TANK: variants seen among roughly 807,000 people sequenced by gnomAD.
TANK encodes the protein TRAF family member-associated NF-kappa-B activator.
TANK carries 15 observed loss-of-function variants against 43.6 expected under a neutral mutation model. The observed-to-expected ratio is 0.34, with a 90% CI of 0.23 to 0.53. TANK has a LOEUF of 0.53. Among genes scored for constraint, TANK ranks in the 20% least tolerant of loss-of-function variants. TANK has a pLI of 0.94. For missense variants in TANK, 417 were observed against 498.6 expected, an observed-to-expected ratio of 0.84 and a Z score of 1.56; for synonymous variants, 162 against 178.2, an observed-to-expected ratio of 0.91 and a Z score of 0.73.
chr2:161,199,560 G>A (rs1357779509), intron 2 of TANK, among the ~76,000 whole-genome samples: 1 of 152,118 alleles, frequency 6.6e-6, no homozygotes, highest in Non-Finnish European at 1.5e-5. Flanking sequence ...TAGGAAATAT[G>A]CTGCCTTAGT....
chr2:161,219,741 C>CTTCA (rs1313906595), intron 4 of TANK: 3 of 466,372 alleles, frequency 6.4e-6, no homozygotes, highest in African/African-American at 6.0e-5. Flanking sequence ...CAGTGCTTGA[C>CTTCA]TTCACTATAA....
chr2:161,169,376 A>G (rs1049112187), intron 1 of TANK, among the ~76,000 whole-genome samples: 2 of 152,252 alleles, frequency 1.3e-5, no homozygotes, highest in Admixed American at 6.5e-5. Flanking sequence ...GGTATTGTTC[A>G]ACAGTGAATA....
At chr2:161,223,711 C>A in intron 4 of TANK, 1 of 371,008 alleles carries the variant, frequency 2.7e-6, no homozygotes, top group Non-Finnish European at 5.0e-6. Context: ...TTCAGACTTT[C>A]CTTCTTCATT....
chr2:161,217,051 T>G (rs1381203657), intron 4 of TANK, among the ~76,000 whole-genome samples: 2 of 152,240 alleles, frequency 1.3e-5, no homozygotes, highest in African/African-American at 4.8e-5. Context: ...GTGCATTCAT[T>G]GGGTCATATA....
intron 1 of TANK, chr2:161,139,971 T>A: frequency 1.1e-6 from 1 of 938,834 alleles, no homozygotes; most frequent in Non-Finnish European, 1.3e-6. Flanking sequence ...AAGAGAAATG[T>A]TTGAAATTTG....
chr2:161,160,277 G>C, upstream of TANK: 1 of 445,784 alleles, frequency 2.2e-6, no homozygotes, highest in Non-Finnish European at 3.7e-6. Context: ...GGCGCTAGGC[G>C]GGGCGGGCAG....
intron 7 of TANK, chr2:161,232,585 C>A: frequency 1.1e-6 from 1 of 908,570 alleles, no homozygotes; most frequent in Non-Finnish European, 1.5e-6. Context: ...TATTTCACAT[C>A]ATAGTCTCAG....
Position 161,223,967 on chromosome 2 carries a change from T to C in TANK, c.380T>C (p.Leu127Pro), listed in dbSNP as rs374586269. Residue 127 changes from leucine (L) to proline (P), a missense_variant, in exon 5 of 8, where the codon CTT becomes CCT. Leu to Pro is a moderately conservative substitution (Grantham distance 98). Transcript: ENST00000392749. ...SPRKETSARS[L>P]GSPLLHERGN... The stretch of plus-strand genomic sequence containing the variant: ...AGAAAAGAAACTTCAGCAAGGAGTC[T>C]TGGCAGTCCTTTGCTCCATGAAAGG... 1.1e-4 allele frequency: 170 copies of C among 1,601,926 alleles called. No homozygotes were observed. In the South Asian group the frequency reaches 1.7e-3, roughly 16 times the overall value.
At chr2:161,147,296 C>T (rs1036118288) in intron 1 of TANK, among the ~76,000 whole-genome samples, 1 of 152,230 alleles carries the variant, frequency 6.6e-6, no homozygotes, top group Admixed American at 6.5e-5. Context: ...TCTCTCCCCC[C>T]AAGGAGCTCA....
chr2:161,215,813 C>T (rs1687091938), intron 4 of TANK, among the ~76,000 whole-genome samples: 1 of 152,146 alleles, frequency 6.6e-6, no homozygotes, highest in South Asian at 2.1e-4. Context: ...TTCTCTGCTG[C>T]TTGGTTAAGC....
At chr2:161,181,159 G>A (rs751702082) in intron 2 of TANK, among the ~76,000 whole-genome samples, 8 of 152,112 alleles carry the variant, frequency 5.3e-5, no homozygotes, top group Non-Finnish European at 1.0e-4. Flanking sequence ...GGTGGCTTGC[G>A]CCTGTAATCC....
At chr2:161,197,327 T>G (rs554909207) in intron 2 of TANK, 1 of 152,362 alleles carries the variant, frequency 6.6e-6, no homozygotes, top group South Asian at 2.1e-4. Flanking sequence ...TTGTTTTCTT[T>G]GCTTGACAGA....
intron 1 of TANK, among the ~76,000 whole-genome samples, chr2:161,179,221 T>C (rs527393818): frequency 6.6e-6 from 1 of 152,284 alleles, no homozygotes; most frequent in East Asian, 1.9e-4. Context: ...TAGCAAGAAT[T>C]CACCTCATAA....
chr2:161,182,131 A>C (rs1252806308), intron 2 of TANK, among the ~76,000 whole-genome samples: 1 of 152,156 alleles, frequency 6.6e-6, no homozygotes, highest in African/African-American at 2.4e-5. Flanking sequence ...TTTATTAAAA[A>C]AAAAAATCTC....
chr2:161,208,497 A>G (rs916774918), intron 4 of TANK, among the ~76,000 whole-genome samples: 12 of 152,146 alleles, frequency 7.9e-5, no homozygotes, highest in African/African-American at 2.9e-4. Context: ...AGTCCTTTGC[A>G]TTATCTATCA....
chr2:161,217,234 A>G (rs1687157225), intron 4 of TANK, among the ~76,000 whole-genome samples: 1 of 152,202 alleles, frequency 6.6e-6, no homozygotes, highest in African/African-American at 2.4e-5. Context: ...TTCAATCCTT[A>G]GAGCTTTAGC....
intron 4 of TANK, among the ~76,000 whole-genome samples, chr2:161,221,907 A>T (rs1419978416): frequency 6.6e-6 from 1 of 152,140 alleles, no homozygotes; most frequent in South Asian, 2.1e-4. Context: ...CTTAGTTTAG[A>T]TACGTCATAG....
chr2:161,190,822 G>A (rs113504450), intron 2 of TANK, among the ~76,000 whole-genome samples: 33 of 152,232 alleles, frequency 2.2e-4, no homozygotes, highest in African/African-American at 7.7e-4. Context: ...GAATTACTGC[G>A]TAATGGATAC....
intron 4 of TANK, among the ~76,000 whole-genome samples, chr2:161,221,655 C>A (rs1394061249): frequency 6.6e-6 from 1 of 151,606 alleles, no homozygotes; most frequent in South Asian, 2.1e-4. Flanking sequence ...TGTCAGAAAA[C>A]CGTTTACTTT....
Sources: gnomAD v4.1 joint callset for allele counts (sites outside exome capture counted in the v4.1 genomes callset) on GRCh38, gnomAD v4.1.1 for gene constraint, MANE v1.5 for transcripts, NCBI Gene and HGNC (gene_info 2026-07-23, HGNC 2026-07-21) for gene names.